MEMO1: variants seen among roughly 807,000 people sequenced by gnomAD.
The protein encoded by MEMO1 is protein MEMO1.
Under a neutral mutation model 45.2 loss-of-function variants are expected in MEMO1, and 6 were observed. The ratio of observed to expected loss-of-function variants is 0.13; its 90% confidence interval spans 0.07 to 0.26. MEMO1 has a LOEUF of 0.26. Among genes scored for constraint, MEMO1 ranks in the 10% least tolerant of loss-of-function variants. MEMO1 has a pLI of 1.00. For missense variants in MEMO1, 184 were observed against 370.5 expected (o/e 0.50, Z 4.13); for synonymous variants, 78 against 124.3 (o/e 0.63, Z 2.48).
intron 2 of MEMO1, among the ~76,000 whole-genome samples, chr2:31,979,176 A>C (rs928476246): frequency 2.6e-5 from 4 of 152,152 alleles, no homozygotes; most frequent in Admixed American, 2.6e-4. Context: ...AAACCATCAG[A>C]TCTCGTGAGA....
intron 2 of MEMO1, among the ~76,000 whole-genome samples, chr2:32,002,495 G>A (rs1673531570): frequency 6.6e-6 from 1 of 151,640 alleles, no homozygotes; most frequent in African/African-American, 2.4e-5. Context: ...AATGAAGTAG[G>A]ATAAAGTAAG....
chr2:31,988,289 G>A (rs1431739034), intron 2 of MEMO1, among the ~76,000 whole-genome samples: 1 of 152,204 alleles, frequency 6.6e-6, no homozygotes, highest in East Asian at 1.9e-4. Context: ...GCTCACGCCT[G>A]TAATCCCAGC....
At chr2:31,972,438 C>T (rs1318729982) in intron 2 of MEMO1, among the ~76,000 whole-genome samples, 4 of 152,164 alleles carry the variant, frequency 2.6e-5, no homozygotes, top group Admixed American at 1.3e-4. Flanking sequence ...GGGCCGAATG[C>T]AGTGGCTCAC....
chr2:31,904,127 T>C (rs1350987666), intron 6 of MEMO1, among the ~76,000 whole-genome samples: 2 of 152,204 alleles, frequency 1.3e-5, no homozygotes, highest in African/African-American at 2.4e-5. Flanking sequence ...GAAAGAGGCA[T>C]AGGAGCTTTA....
intron 2 of MEMO1, among the ~76,000 whole-genome samples, chr2:31,982,824 G>A (rs577779580): frequency 5.3e-5 from 8 of 152,054 alleles, no homozygotes; most frequent in Admixed American, 1.3e-4. Flanking sequence ...TAGATGGTGG[G>A]TGGGAGCCAG....
chr2:31,891,945 C>T, intron 7 of MEMO1, 47 bp downstream of exon 7: 1 of 1,526,058 alleles, frequency 6.6e-7, no homozygotes, highest in Non-Finnish European at 8.9e-7. Flanking sequence ...TACCTTTAAC[C>T]AGAAGTATAT....
chr2:31,938,555 G>A (rs1463428697), intron 3 of MEMO1, among the ~76,000 whole-genome samples: 1 of 151,894 alleles, frequency 6.6e-6, no homozygotes, highest in Non-Finnish European at 1.5e-5. Flanking sequence ...GGCTGAGGCA[G>A]GAGAATGGCG....
At chr2:31,946,964 G>A (rs937368027) in intron 2 of MEMO1, among the ~76,000 whole-genome samples, 1 of 152,100 alleles carries the variant, frequency 6.6e-6, no homozygotes, top group Non-Finnish European at 1.5e-5. Flanking sequence ...TGCTGTATAG[G>A]TCTGTAGCCT....
chr2:32,004,712 A>G (rs1340034882), intron 2 of MEMO1, among the ~76,000 whole-genome samples: 1 of 152,014 alleles, frequency 6.6e-6, no homozygotes, highest in Non-Finnish European at 1.5e-5. Context: ...AAATCACCTG[A>G]GGTCAGGAGT....
At chr2:31,993,185 G>A (rs1042540197) in intron 2 of MEMO1, among the ~76,000 whole-genome samples, 1 of 151,928 alleles carries the variant, frequency 6.6e-6, no homozygotes, top group South Asian at 2.1e-4. Context: ...AAAAAAGAAA[G>A]AAAGATATGA....
At chr2:31,933,345 AAAAATTTATATAT>A (rs1224092409) in intron 3 of MEMO1, among the ~76,000 whole-genome samples, 2 of 34,092 alleles carry the variant, frequency 5.9e-5, no homozygotes, top group African/African-American at 2.5e-4. Context: ...AAAAAAAAAA[AAAAATTTATATAT>A]ATATATATAT....
At chr2:31,995,804 T>G (rs1446121724) in intron 2 of MEMO1, among the ~76,000 whole-genome samples, 1 of 151,940 alleles carries the variant, frequency 6.6e-6, no homozygotes, top group Non-Finnish European at 1.5e-5. Context: ...CCCCAAGGGA[T>G]AAATTCAAAA....
chr2:31,965,178 A>C (rs938795052), intron 2 of MEMO1, among the ~76,000 whole-genome samples: 3 of 151,380 alleles, frequency 2.0e-5, no homozygotes, highest in Non-Finnish European at 1.5e-5. Flanking sequence ...GCACCATTGC[A>C]CTCCAGCCTG....
intron 8 of MEMO1, among the ~76,000 whole-genome samples, chr2:31,873,084 C>G (rs1478585892): frequency 2.0e-5 from 3 of 152,126 alleles, no homozygotes; most frequent in Non-Finnish European, 4.4e-5. Flanking sequence ...AAAGAATATC[C>G]TTCCCCAATT....
intron 2 of MEMO1, among the ~76,000 whole-genome samples, chr2:31,986,340 C>G (rs1023837030): frequency 7.9e-5 from 12 of 151,948 alleles, no homozygotes; most frequent in African/African-American, 2.9e-4. Flanking sequence ...GGCGTGGTGG[C>G]GGGGGCTTGT....
At chr2:31,892,483 A>T (rs540063311) in intron 6 of MEMO1, among the ~76,000 whole-genome samples, 1 of 152,294 alleles carries the variant, frequency 6.6e-6, no homozygotes, top group African/African-American at 2.4e-5. Flanking sequence ...AGTACTTATC[A>T]AGGCTACAGT....
intron 2 of MEMO1, among the ~76,000 whole-genome samples, chr2:31,973,874 G>C (rs780780874): frequency 2.0e-5 from 3 of 152,174 alleles, no homozygotes; most frequent in Non-Finnish European, 2.9e-5. Context: ...AAAATGTTCT[G>C]AAACTTGATA....
At chr2:31,924,818 C>G (rs1682847378) in intron 4 of MEMO1, among the ~76,000 whole-genome samples, 1 of 152,150 alleles carries the variant, frequency 6.6e-6, no homozygotes, top group Non-Finnish European at 1.5e-5. Flanking sequence ...TAAGGACATC[C>G]TGAATTCTGA....
intron 2 of MEMO1, among the ~76,000 whole-genome samples, chr2:31,959,289 G>C (rs1420821921): frequency 6.6e-6 from 1 of 152,146 alleles, no homozygotes; most frequent in East Asian, 1.9e-4. Context: ...TGGACTGACT[G>C]ATGATGATGA....
Sources: gnomAD v4.1 joint callset for allele counts (sites outside exome capture counted in the v4.1 genomes callset) on GRCh38, gnomAD v4.1.1 for gene constraint, MANE v1.5 for transcripts, NCBI Gene and HGNC (gene_info 2026-07-23, HGNC 2026-07-21) for gene names.